FAM227A: variants seen among roughly 807,000 people sequenced by gnomAD.
FAM227A encodes protein FAM227A.
In FAM227A, 80 loss-of-function variants were observed where a neutral mutation model predicts 74.7. The ratio of observed to expected loss-of-function variants is 1.07; its 90% CI spans 0.89 to 1.29. The LOEUF is 1.29. Among genes scored for constraint, FAM227A ranks in the 50% most tolerant of loss-of-function variants. FAM227A has a pLI of 0.00. For missense variants in FAM227A, 654 were observed against 683.4 expected (o/e 0.96, Z 0.48); for synonymous variants, 237 against 241.8 (o/e 0.98, Z 0.19).
chr22:38,594,095 G>A (rs886411891), intron 15 of FAM227A, among the ~76,000 whole-genome samples: 9 of 152,124 alleles, frequency 5.9e-5, no homozygotes, highest in African/African-American at 2.2e-4. Context: ...TCCATCCACA[G>A]GGACTTACAT....
At chr22:38,650,854 C>T (rs1448390226) in intron 1 of FAM227A, among the ~76,000 whole-genome samples, 1 of 152,186 alleles carries the variant, frequency 6.6e-6, no homozygotes, top group African/African-American at 2.4e-5. Flanking sequence ...CCCATTACTT[C>T]CATCTGTGGG....
At chr22:38,634,532 C>T (rs1225941639) in intron 6 of FAM227A, among the ~76,000 whole-genome samples, 3 of 152,128 alleles carry the variant, frequency 2.0e-5, no homozygotes, top group Non-Finnish European at 4.4e-5. Context: ...ACAATAACAC[C>T]TCAAGGTAGA....
intron 9 of FAM227A, among the ~76,000 whole-genome samples, chr22:38,624,310 C>G (rs1445778734): frequency 6.6e-6 from 1 of 151,972 alleles, no homozygotes; most frequent in Non-Finnish European, 1.5e-5. Context: ...GAGGCTGAGG[C>G]TGGAGAATCA....
chr22:38,633,835 C>T (rs929465526), intron 6 of FAM227A, among the ~76,000 whole-genome samples: 1 of 152,116 alleles, frequency 6.6e-6, no homozygotes, highest in Non-Finnish European at 1.5e-5. Context: ...CCACTGTGCC[C>T]GGCCTATCAT....
Position 38,578,965 on chromosome 22 carries a change from C to G in FAM227A, c.*7160G>C, listed in dbSNP as rs918509041. 10 of 152,246 alleles carry G rather than the reference C, an allele frequency of 6.6e-5. No homozygotes were observed. The highest frequency in any genetic ancestry group is 5.9e-4 in the Admixed American group (9 of 15,280). The allele number at this position is 152,246 out of a possible 1,614,324, so 9.4% of individuals were successfully genotyped here. On this transcript the variant is annotated 3_prime_UTR_variant, in exon 17 of 17. Coordinates refer to ENST00000535113, the MANE Select transcript of FAM227A (RefSeq NM_001013647.2). ...CCCACAGATTCATGCATCCACTCCT[C>G]ACACAGACACCATGAGGCACAACAA...
chr22:38,650,065 AC>A lies in FAM227A; in HGVS notation c.103del (p.Val35Ter). ...AVSLVARNTM[V>X]KTVRKELENN... The stretch of plus-strand genomic sequence containing the variant: ...CTCTAACTCCTTCCTCACAGTCTTC[AC>A]CATTGTATTCCGTGCGACAAGCGAG... On this transcript the variant is annotated frameshift_variant, in exon 2 of 17. Transcript: ENST00000535113. LOFTEE classifies it high-confidence loss of function. 6.4e-7 allele frequency: 1 copy of A among 1,552,228 alleles called. No individual in the cohort carries two copies.
chr22:38,599,459 T>A (rs1396386395), intron 14 of FAM227A, among the ~76,000 whole-genome samples: 1 of 152,162 alleles, frequency 6.6e-6, no homozygotes, highest in African/African-American at 2.4e-5. Context: ...ACTATTTAGT[T>A]TCAATATATG....
intron 11 of FAM227A, among the ~76,000 whole-genome samples, chr22:38,611,987 T>G (rs1215512005): frequency 6.6e-6 from 1 of 152,112 alleles, no homozygotes; most frequent in Non-Finnish European, 1.5e-5. Flanking sequence ...GGAAGCAACC[T>G]TCAACTCCGT....
intron 6 of FAM227A, among the ~76,000 whole-genome samples, chr22:38,634,872 T>C (rs549101729): frequency 2.0e-5 from 3 of 151,976 alleles, no homozygotes; most frequent in Non-Finnish European, 2.9e-5. Flanking sequence ...AAACAGATCA[T>C]CTCTCTTAGG....
chr22:38,611,571 T>A (rs1255757272), intron 11 of FAM227A, among the ~76,000 whole-genome samples: 2 of 152,136 alleles, frequency 1.3e-5, no homozygotes, highest in African/African-American at 2.4e-5. Flanking sequence ...TCAATACCAG[T>A]CGCGATGCCC....
chr22:38,632,039 C>T (rs569238231), intron 6 of FAM227A, among the ~76,000 whole-genome samples: 2 of 152,176 alleles, frequency 1.3e-5, no homozygotes, highest in East Asian at 3.9e-4. Context: ...AGGGAGGAGA[C>T]TGGCTGATGC....
chr22:38,588,025 A>T (rs182849106), intron 16 of FAM227A, among the ~76,000 whole-genome samples: 1 of 152,188 alleles, frequency 6.6e-6, no homozygotes, highest in Admixed American at 6.5e-5. Context: ...GATAATAAAC[A>T]ATCAGAAAAA....
chr22:38,634,440 T>C (rs753443368), intron 6 of FAM227A, among the ~76,000 whole-genome samples: 6 of 152,194 alleles, frequency 3.9e-5, no homozygotes, highest in Non-Finnish European at 7.3e-5. Flanking sequence ...ATAACACTAA[T>C]CATACAAACT....
At chr22:38,624,342 T>C (rs1486595212) in intron 9 of FAM227A, among the ~76,000 whole-genome samples, 2 of 151,396 alleles carry the variant, frequency 1.3e-5, no homozygotes, top group Admixed American at 6.6e-5. Context: ...GAGGCAGAGA[T>C]CCTGCCATTG....
At chr22:38,589,031 T>C (rs2090874387) in intron 16 of FAM227A, among the ~76,000 whole-genome samples, 1 of 152,014 alleles carries the variant, frequency 6.6e-6, no homozygotes, top group Non-Finnish European at 1.5e-5. Flanking sequence ...CCAGTACCCG[T>C]GAATAAGACC....
At chr22:38,651,496 G>A (rs1233113490) in intron 1 of FAM227A, among the ~76,000 whole-genome samples, 8 of 151,988 alleles carry the variant, frequency 5.3e-5, no homozygotes, top group Admixed American at 2.0e-4. Context: ...GTGTAGCTGC[G>A]ACTACAGGTA....
At chr22:38,622,829 T>A in intron 10 of FAM227A, among the ~76,000 whole-genome samples, 1 of 116,822 alleles carries the variant, frequency 8.6e-6, no homozygotes, top group South Asian at 2.8e-4. Flanking sequence ...TAAGCCGAGA[T>A]CACACCACTG....
chr22:38,602,042 A>G (rs1472712235), intron 13 of FAM227A, among the ~76,000 whole-genome samples: 4 of 152,238 alleles, frequency 2.6e-5, no homozygotes, highest in Non-Finnish European at 5.9e-5. Context: ...ATTTTGAAGA[A>G]GCAGTTATAC....
intron 16 of FAM227A, among the ~76,000 whole-genome samples, chr22:38,588,648 C>T (rs1054300868): frequency 4.4e-5 from 6 of 137,666 alleles, no homozygotes; most frequent in Non-Finnish European, 9.2e-5. Context: ...AAATGCTGGG[C>T]GCAGTGGCTC....
Sources: gnomAD v4.1 joint callset for allele counts (sites outside exome capture counted in the v4.1 genomes callset) on GRCh38, gnomAD v4.1.1 for gene constraint, MANE v1.5 for transcripts, NCBI Gene and HGNC (gene_info 2026-07-23, HGNC 2026-07-21) for gene names.